GRB14: variants seen among roughly 807,000 people sequenced by gnomAD.
GRB14 encodes the protein growth factor receptor bound protein 14, also known as growth factor receptor-bound protein 14.
In GRB14, 38 loss-of-function variants were observed where a neutral mutation model predicts 69.1. That is an observed-to-expected ratio of 0.55 (90% confidence interval 0.42 to 0.72). The LOEUF is 0.72. Among genes scored for constraint, GRB14 ranks in the 30% least tolerant of loss-of-function variants. The pLI is 0.00. For synonymous variants in GRB14, 247 were observed against 241.3 expected (o/e 1.02, Z -0.22); for missense variants, 666 against 666.1 (o/e 1.00, Z 0.00).
chr2:164,584,902 C>T (rs1338460039), intron 2 of GRB14, among the ~76,000 whole-genome samples: 1 of 151,842 alleles, frequency 6.6e-6, no homozygotes, highest in East Asian at 1.9e-4. Context: ...TGGAAAAGAA[C>T]TAGAAGAGAG....
chr2:164,533,197 C>G (rs915591746), intron 3 of GRB14, among the ~76,000 whole-genome samples: 1 of 150,652 alleles, frequency 6.6e-6, no homozygotes, highest in Non-Finnish European at 1.5e-5. Flanking sequence ...ATGCTCCTGC[C>G]GTTCTCTACC....
chr2:164,497,194 A>C lies in GRB14; in HGVS notation c.1294+17T>G, dbSNP rs1221643529. ...TCTATCCGTCTACTCAGTGGCAATG[A>C]CTATGAACAGACATACCCATGTTTG... On this transcript the variant is annotated intron_variant, in intron 11 of 13. Transcript: ENST00000263915. 1 of 1,606,440 alleles carries C rather than the reference A, an allele frequency of 6.2e-7. No homozygotes were observed. Among genetic ancestry groups the C allele is most frequent in the Non-Finnish European group, 8.5e-7 (1 of 1,173,210 alleles).
chr2:164,583,018 T>C (rs1415044682), intron 2 of GRB14, among the ~76,000 whole-genome samples: 1 of 152,166 alleles, frequency 6.6e-6, no homozygotes, highest in Non-Finnish European at 1.5e-5. Flanking sequence ...GAGCAGTCCA[T>C]TGGCTTATTT....
At chr2:164,502,674 G>C (rs1382011039) in intron 8 of GRB14, among the ~76,000 whole-genome samples, 1 of 151,656 alleles carries the variant, frequency 6.6e-6, no homozygotes, top group Non-Finnish European at 1.5e-5. Flanking sequence ...ACTCACTTGG[G>C]AAGGGCGATG....
At position 164,500,394 on chromosome 2, in the gene GRB14, A is replaced by G. The variant is rs143174727; in HGVS notation, c.1104+1861T>C. ...AAGTTAGGAAAAGAAAGAAAATAAT[A>G]TTGTTCCTTTAAAAATATAACTAAA... On this transcript the variant is annotated intron_variant, in intron 9 of 13. Coordinates refer to ENST00000263915, the MANE Select transcript of GRB14 (RefSeq NM_004490.3). 2.5e-3 allele frequency among the ~76,000 whole-genome samples: 386 copies of G among 152,226 alleles called. 2 individuals carry two copies. The highest frequency in any genetic ancestry group is 8.9e-3 in the African/African-American group (368 of 41,562).
intron 8 of GRB14, among the ~76,000 whole-genome samples, chr2:164,508,051 C>T (rs1241067215): frequency 6.6e-6 from 1 of 152,064 alleles, no homozygotes; most frequent in African/African-American, 2.4e-5. Context: ...AAACACGAAT[C>T]GAACACAAAA....
intron 2 of GRB14, among the ~76,000 whole-genome samples, chr2:164,595,153 G>A (rs1689753844): frequency 6.6e-6 from 1 of 152,198 alleles, no homozygotes; most frequent in African/African-American, 2.4e-5. Context: ...TTGAGAGCAT[G>A]CAAAGGATTT....
chr2:164,615,740 T>A (rs1690274410), intron 2 of GRB14, among the ~76,000 whole-genome samples: 1 of 152,202 alleles, frequency 6.6e-6, no homozygotes, highest in East Asian at 1.9e-4. Flanking sequence ...AGAGGCTTTA[T>A]TCTTACTTAG....
At chr2:164,595,681 T>C (rs1238513012) in intron 2 of GRB14, among the ~76,000 whole-genome samples, 2 of 152,196 alleles carry the variant, frequency 1.3e-5, no homozygotes, top group African/African-American at 2.4e-5. Flanking sequence ...ATGACTTTCA[T>C]AGATGAATAT....
At chr2:164,508,333 GTTAT>G in intron 8 of GRB14, 118 bp downstream of exon 8, 2 of 686,832 alleles carry the variant, frequency 2.9e-6, no homozygotes, top group Non-Finnish European at 2.5e-6. Context: ...ACATTTGGTG[GTTAT>G]TTTTCTTCTT....
chr2:164,595,284 T>C (rs1040791684), intron 2 of GRB14, among the ~76,000 whole-genome samples: 2 of 152,100 alleles, frequency 1.3e-5, no homozygotes, highest in Non-Finnish European at 2.9e-5. Flanking sequence ...GCGCTAACAA[T>C]GGGTAAGACA....
At chr2:164,529,481 C>T (rs995619964) in intron 3 of GRB14, among the ~76,000 whole-genome samples, 6 of 152,068 alleles carry the variant, frequency 3.9e-5, no homozygotes, top group African/African-American at 1.4e-4. Flanking sequence ...ATGACTTTTT[C>T]TTCCTAAATT....
chr2:164,608,024 A>C (rs1690080434), intron 2 of GRB14, among the ~76,000 whole-genome samples: 1 of 152,344 alleles, frequency 6.6e-6, no homozygotes, highest in South Asian at 2.1e-4. Context: ...GCAATTGGCC[A>C]AATCAGACTT....
intron 9 of GRB14, among the ~76,000 whole-genome samples, chr2:164,500,334 T>C (rs1259211388): frequency 6.6e-6 from 1 of 152,144 alleles, no homozygotes; most frequent in Admixed American, 6.6e-5. Flanking sequence ...GAGAATTTTT[T>C]TTCTCATTTC....
At chr2:164,516,246 C>A (rs1193138046) in intron 6 of GRB14, among the ~76,000 whole-genome samples, 2 of 151,982 alleles carry the variant, frequency 1.3e-5, no homozygotes, top group Non-Finnish European at 2.9e-5. Flanking sequence ...AAAATCATCA[C>A]CTAGGGAAAT....
chr2:164,601,741 C>T (rs1331292622), intron 2 of GRB14, among the ~76,000 whole-genome samples: 1 of 152,082 alleles, frequency 6.6e-6, no homozygotes, highest in Non-Finnish European at 1.5e-5. Context: ...ACGATATATG[C>T]ACCCTTATAA....
intron 2 of GRB14, among the ~76,000 whole-genome samples, chr2:164,605,563 A>C (rs79268155): frequency 0.066 from 10,079 of 152,216 alleles, 515 homozygotes; most frequent in African/African-American, 0.14. Context: ...GAATACCAAC[A>C]CTCAAATCCT....
At chr2:164,584,147 ATTTTTTTTTT>A (rs55883951) in intron 2 of GRB14, among the ~76,000 whole-genome samples, 152 of 49,900 alleles carry the variant, frequency 3.0e-3, no homozygotes, top group Non-Finnish European at 3.8e-3. Context: ...CAGCCTGGCT[ATTTTTTTTTT>A]TTTTTTTTTT....
chr2:164,513,307 A>C (rs1357433627), intron 6 of GRB14, among the ~76,000 whole-genome samples: 2 of 152,190 alleles, frequency 1.3e-5, no homozygotes, highest in Middle Eastern at 3.2e-3. Context: ...GTAGCCCCCC[A>C]AAAAATATGC....
Sources: gnomAD v4.1 joint callset for allele counts (sites outside exome capture counted in the v4.1 genomes callset) on GRCh38, gnomAD v4.1.1 for gene constraint, MANE v1.5 for transcripts, NCBI Gene and HGNC (gene_info 2026-07-23, HGNC 2026-07-21) for gene names.